CDKN2A: variants seen among roughly 807,000 people sequenced by gnomAD.
CDKN2A encodes the protein cyclin-dependent kinase inhibitor 2A.
Under a neutral mutation model 11.1 loss-of-function variants are expected in CDKN2A, and 3 were observed. The observed-to-expected ratio is 0.27, with a 90% CI of 0.12 to 0.70. The LOEUF (loss-of-function observed/expected upper bound fraction) is 0.70, where lower values mean the gene tolerates loss of function less well. Among genes scored for constraint, CDKN2A ranks in the 30% least tolerant of loss-of-function variants. The probability of loss-of-function intolerance (pLI) is 0.77; values close to 1 mark genes in which losing one functional copy is unlikely to be tolerated. For synonymous variants in CDKN2A, 122 were observed against 108.1 expected, an observed-to-expected ratio of 1.13 and a Z score of -0.80; for missense variants, 265 against 233.6, an observed-to-expected ratio of 1.13 and a Z score of -0.88.
chr9:21,977,842 G>A (rs1372763340), upstream of CDKN2A, among the ~76,000 whole-genome samples: 1 of 152,176 alleles, frequency 6.6e-6, no homozygotes, highest in Non-Finnish European at 1.5e-5. Context: ...GGATTTCTCT[G>A]AAACTCTACC....
chr9:21,991,254 C>G lies in CDKN2A; in HGVS notation c.-4+2628G>C, dbSNP rs1316433478. 2.6e-5 allele frequency among the ~76,000 whole-genome samples: 4 copies of G among 151,804 alleles called. No individual in the cohort carries two copies. Among genetic ancestry groups the G allele is most frequent in the Non-Finnish European group, 4.4e-5 (3 of 68,008 alleles). On this transcript the variant is annotated intron_variant, in intron 2 of 3. Transcript: ENST00000494262. This position sits in a 1 kb window ranked among gnomAD's most constrained non-coding sequence, Gnocchi z 5.2. ...ATGCAGCCCAGGATGGTTTTGAATG[C>G]TGCCCAACACAAATTCATACACTTT...
intron 1 of CDKN2A, chr9:21,994,801 G>C: frequency 6.0e-6 from 1 of 168,004 alleles, no homozygotes; most frequent in East Asian, 1.5e-4. Flanking sequence ...AGCTACATCC[G>C]TCACCTGACA....
At chr9:21,979,689 T>C (rs890166090), upstream of CDKN2A, among the ~76,000 whole-genome samples, 1 of 152,118 alleles carries the variant, frequency 6.6e-6, no homozygotes, top group Non-Finnish European at 1.5e-5. Context: ...TTAGGAAGTT[T>C]GAGAATCGTA....
At chr9:21,976,923 A>C (rs192820641), upstream of CDKN2A, among the ~76,000 whole-genome samples, 21 of 152,366 alleles carry the variant, frequency 1.4e-4, no homozygotes, top group East Asian at 4.0e-3. Context: ...CGTTTTAAAA[A>C]ATGGATTGCT....
rs104894097 is a variant in CDKN2A at position 21,974,757 on chromosome 9, C to G, written c.71G>C (p.Arg24Pro). 13 of 1,609,864 alleles carry G rather than the reference C, an allele frequency of 8.1e-6. No homozygotes were observed. Among genetic ancestry groups the G allele is most frequent in the Non-Finnish European group, 1.1e-5 (13 of 1,179,470 alleles). The change falls in exon 1 of 3, where the codon CGG (arginine) becomes CCG (proline). Residue 24 changes from arginine to proline, a missense_variant. By Grantham distance (103) the Arg-to-Pro change is moderately radical. Coordinates refer to ENST00000304494, the MANE Select transcript of CDKN2A (RefSeq NM_000077.5). The surrounding 1 kb of genome is among the most constrained non-coding windows in gnomAD (Gnocchi z 5.2). ...DWLATAAARG[R>P]VEEVRALLEA... The stretch of plus-strand genomic sequence containing the variant: ...CAGCAGCGCCCGCACCTCCTCTACC[C>G]GACCCCGGGCCGCGGCCGTGGCCAG...
intron 2 of CDKN2A, among the ~76,000 whole-genome samples, chr9:21,984,710 T>G (rs532550421): frequency 3.9e-5 from 6 of 152,148 alleles, no homozygotes; most frequent in African/African-American, 1.4e-4. Flanking sequence ...GGTTTAACAC[T>G]GGTTTAGGAT....
Position 21,995,003 on chromosome 9 carries a change from C to T in CDKN2A, c.-358G>A, listed in dbSNP as rs1317105422. 6.6e-6 allele frequency: 1 copy of T among 152,292 alleles called. No individual in the cohort carries two copies. The highest frequency in any genetic ancestry group is 6.5e-5 in the Admixed American group (1 of 15,286). The allele number at this position is 152,292 out of a possible 1,614,324, so 9.4% of individuals were successfully genotyped here. A position where few individuals can be genotyped will look rare whatever the true frequency, so the allele number is the denominator to read the frequency against. On this transcript the variant is annotated 5_prime_UTR_variant, in exon 1 of 4. Coordinates refer to the CDKN2A transcript ENST00000494262. The surrounding 1 kb of genome is among the most constrained non-coding windows in gnomAD (Gnocchi z 5.7). Reference sequence around the variant, plus strand: ...ATTGCTCTATCCGCCAATCAGGAGGCTGAATGTCAGTTTTGAACTAAAAGC... The same window carrying T: ...ATTGCTCTATCCGCCAATCAGGAGGTTGAATGTCAGTTTTGAACTAAAAGC...
intron 1 of CDKN2A, chr9:21,994,547 C>G: frequency 8.1e-7 from 1 of 1,233,078 alleles, no homozygotes; most frequent in Non-Finnish European, 1.1e-6. Flanking sequence ...CCACCCGGAC[C>G]TCCAAGATCT....
rs1563902184 is a variant in CDKN2A at position 21,993,815 on chromosome 9, GTGT to G, written c.-4+64_-4+66del. 2,194 of 451,442 alleles carry G rather than the reference GTGT, an allele frequency of 4.9e-3. 14 individuals carry two copies. Among genetic ancestry groups the G allele is most frequent in the Non-Finnish European group, 7.4e-3 (1,808 of 244,838 alleles). The allele number at this position is 451,442 out of a possible 1,614,324, so 28.0% of individuals were successfully genotyped here. ...CCTTTCCTACTGTGTGTGTGTGTGT[GTGT>G]GTGTGTGTGTGTGTGTGTGTGTGTG... On this transcript the variant is annotated intron_variant, in intron 2 of 3. Coordinates refer to the CDKN2A transcript ENST00000494262.
chr9:21,971,408 C>G lies in CDKN2A; in HGVS notation c.151-200G>C, dbSNP rs1317459567. ...CAGTACACAATGAATTCCATTATAT[C>G]CTCCGAACTTCTGCGGAGCTGTCGT... On this transcript the variant is annotated intron_variant, in intron 1 of 2. Coordinates refer to ENST00000304494, the MANE Select transcript of CDKN2A (RefSeq NM_000077.5). The G allele has an allele frequency of 1.1e-5, 16 of 1,440,358 alleles. 1 individual carries two copies. The Admixed American group carries it at 3.7e-4, about 34-fold the overall frequency. The allele number at this position is 1,440,358 out of a possible 1,614,324, so 89.2% of individuals were successfully genotyped here. A position where few individuals can be genotyped will look rare whatever the true frequency, so the allele number is the denominator to read the frequency against.
Position 21,968,493 on chromosome 9 carries a change from G to A in CDKN2A, c.458-251C>T. On this transcript the variant is annotated intron_variant, in intron 2 of 2. Coordinates refer to ENST00000304494, the MANE Select transcript of CDKN2A (RefSeq NM_000077.5). This position sits in a 1 kb window ranked among gnomAD's most constrained non-coding sequence, Gnocchi z 4.7. ...AGCGCTCCAGGTCCACCCGGCGGAG[G>A]GCAGAGAAAGCGCGACCGCGCGGCC... 1 of 1,455,670 alleles carries A rather than the reference G, an allele frequency of 6.9e-7. No homozygotes were observed. Among genetic ancestry groups the A allele is most frequent in the Non-Finnish European group, 9.0e-7 (1 of 1,111,350 alleles). 90.2% of individuals were successfully genotyped at this position (1,455,670 alleles called of 1,614,324 possible).
chr9:21,993,870 T>C, intron 2 of CDKN2A: 1 of 532,398 alleles, frequency 1.9e-6, no homozygotes, highest in Non-Finnish European at 3.4e-6. Context: ...ACCCAGGATA[T>C]TCGGGACTCA....
chr9:21,971,594 T>A (rs997445410), intron 1 of CDKN2A, among the ~76,000 whole-genome samples: 1 of 141,512 alleles, frequency 7.1e-6, no homozygotes, highest in African/African-American at 2.6e-5. Flanking sequence ...TTTTTTTTTG[T>A]TCACTGCTGT....
intron 2 of CDKN2A, among the ~76,000 whole-genome samples, chr9:21,985,873 A>C (rs1025664861): frequency 6.6e-6 from 1 of 152,016 alleles, no homozygotes; most frequent in Non-Finnish European, 1.5e-5. Context: ...TGATATGTAT[A>C]TTTTTAAAGT....
chr9:21,970,533 G>T (rs1819656700), intron 2 of CDKN2A: 2 of 511,250 alleles, frequency 3.9e-6, no homozygotes, highest in South Asian at 4.9e-5. Context: ...AACAGACCTG[G>T]TAAGTGGATG....
Position 21,967,938 on chromosome 9 carries a change from G to T in CDKN2A, c.*291C>A. 1 of 444,128 alleles carries T rather than the reference G, an allele frequency of 2.3e-6. No homozygotes were observed. Among genetic ancestry groups the T allele is most frequent in the Non-Finnish European group, 4.0e-6 (1 of 248,006 alleles). 27.5% of individuals were successfully genotyped at this position (444,128 alleles called of 1,614,324 possible). On this transcript the variant is annotated 3_prime_UTR_variant, in exon 3 of 3. Coordinates refer to ENST00000304494, the MANE Select transcript of CDKN2A (RefSeq NM_000077.5). Reference sequence around the variant, plus strand: ...AAATGCCCACATGAATGTGCGCTTAGGGCGTGAGTGCTCACTCCAGAAAAC... The same window carrying T: ...AAATGCCCACATGAATGTGCGCTTATGGCGTGAGTGCTCACTCCAGAAAAC...
chr9:21,993,567 G>A (rs562725993), intron 2 of CDKN2A, among the ~76,000 whole-genome samples: 15 of 152,152 alleles, frequency 9.9e-5, no homozygotes, highest in African/African-American at 3.6e-4. Flanking sequence ...CCCCCAAGAA[G>A]CAAGTGCTTG....
At chr9:21,985,209 G>A (rs1820274021) in intron 2 of CDKN2A, among the ~76,000 whole-genome samples, 1 of 151,816 alleles carries the variant, frequency 6.6e-6, no homozygotes, top group African/African-American at 2.4e-5. Flanking sequence ...TTTCAAAAAG[G>A]CAATGATAAC....
chr9:21,978,184 G>T (rs970805364), upstream of CDKN2A, among the ~76,000 whole-genome samples: 1 of 150,498 alleles, frequency 6.6e-6, no homozygotes, highest in African/African-American at 2.5e-5. Context: ...GAGTTGATGG[G>T]TGCAGCACAC....
Sources: gnomAD v4.1 joint callset for allele counts (sites outside exome capture counted in the v4.1 genomes callset) on GRCh38, gnomAD v4.1.1 for gene constraint, Gnocchi (gnomAD v3.1) non-coding constraint, MANE v1.5 for transcripts, NCBI Gene and HGNC (gene_info 2026-07-23, HGNC 2026-07-21) for gene names.